Variants in GCSAML observed in about 807,000 individuals in gnomAD.
The protein encoded by GCSAML is germinal center-associated signaling and motility-like protein.
GCSAML carries 9 observed loss-of-function variants against 13.0 expected under a neutral mutation model. That is an observed-to-expected ratio of 0.69 (90% CI 0.42 to 1.21). The LOEUF (loss-of-function observed/expected upper bound fraction) is 1.21. Among genes scored for constraint, GCSAML ranks in the 50% most tolerant of loss-of-function variants. The pLI, the probability that GCSAML is intolerant of heterozygous loss-of-function variation, is 0.00. For missense variants in GCSAML, 143 were observed against 153.4 expected, an observed-to-expected ratio of 0.93 and a Z score of 0.36; for synonymous variants, 37 against 52.9, an observed-to-expected ratio of 0.70 and a Z score of 1.31.
At chr1:247,568,759 A>T (rs1226438123) in intron 4 of GCSAML, among the ~76,000 whole-genome samples, 7 of 152,302 alleles carry the variant, frequency 4.6e-5, no homozygotes. Context: ...TCTATAAATT[A>T]CTTTGGGCAG....
intron 4 of GCSAML, among the ~76,000 whole-genome samples, chr1:247,570,620 A>G (rs1668567277): frequency 6.6e-6 from 1 of 152,094 alleles, no homozygotes; most frequent in Non-Finnish European, 1.5e-5. Flanking sequence ...GGAGTGTTTT[A>G]CTTCCAAATA....
intron 2 of GCSAML, among the ~76,000 whole-genome samples, chr1:247,536,939 A>G (rs760942832): frequency 2.4e-4 from 36 of 152,202 alleles, no homozygotes; most frequent in Non-Finnish European, 4.6e-4. Flanking sequence ...AATAAGTTAA[A>G]TTTATCAATT....
At chr1:247,531,062 C>T (rs1666926745) in intron 2 of GCSAML, 1 of 159,326 alleles carries the variant, frequency 6.3e-6, no homozygotes, top group Non-Finnish European at 1.4e-5. Flanking sequence ...AAGGCCTGGG[C>T]CGAGCGGGGG....
intron 1 of GCSAML, among the ~76,000 whole-genome samples, chr1:247,507,644 G>GT (rs1317678384): frequency 6.6e-6 from 1 of 152,074 alleles, no homozygotes; most frequent in Non-Finnish European, 1.5e-5. Context: ...TCTACATTAG[G>GT]TATTTCTCCT....
Position 247,574,595 on chromosome 1 carries a change from T to G in GCSAML, c.*213T>G, listed in dbSNP as rs1668763488. On this transcript the variant is annotated 3_prime_UTR_variant, in exon 5 of 5. Coordinates refer to ENST00000366488, the MANE Select transcript of GCSAML (RefSeq NM_145278.5). ...GAAATTGACACAATGACCTAAAATA[T>G]TCTATGTGTTTTTGCTTGTAAAGTT... is the stretch of plus-strand genomic sequence containing the variant. The G allele has an allele frequency of 1.8e-6, 1 of 554,476 alleles. No homozygotes were observed. Among genetic ancestry groups the G allele is most frequent in the South Asian group, 2.8e-5 (1 of 35,732 alleles). The allele number at this position is 554,476 out of a possible 1,614,324, so 34.3% of individuals were successfully genotyped here.
At chr1:247,560,199 G>A (rs968465814) in intron 2 of GCSAML, among the ~76,000 whole-genome samples, 1 of 152,232 alleles carries the variant, frequency 6.6e-6, no homozygotes, top group East Asian at 1.9e-4. Flanking sequence ...GCCTCGGAAC[G>A]ACAGATAACT....
intron 4 of GCSAML, among the ~76,000 whole-genome samples, chr1:247,572,924 G>A (rs926670957): frequency 2.6e-5 from 4 of 152,344 alleles, no homozygotes; most frequent in South Asian, 4.1e-4. Context: ...TGGTGTTGGA[G>A]TGGGCTCAGT....
At position 247,531,280 on chromosome 1, in the gene GCSAML, C is replaced by T. The variant is rs1431170349; in HGVS notation, c.-148+4226C>T. On this transcript the variant is annotated intron_variant, in intron 2 of 5. Transcript: ENST00000366489. ...CGGATACTGAGGAACAGCTGAACAA[C>T]AACGCAAGGAGTTTACAAAACAAGA... 1.1e-5 allele frequency: 5 copies of T among 454,218 alleles called. No homozygotes were observed. In the East Asian group the frequency reaches 2.0e-4, roughly 18 times the overall value. The allele number at this position is 454,218 out of a possible 1,614,324, so 28.1% of individuals were successfully genotyped here.
At chr1:247,507,737 C>T (rs1167547459) in intron 1 of GCSAML, among the ~76,000 whole-genome samples, 13 of 151,856 alleles carry the variant, frequency 8.6e-5, no homozygotes, top group African/African-American at 1.9e-4. Context: ...GTGTTCTCAA[C>T]GTTCACTTAT....
chr1:247,559,323 C>G (rs1668048299), intron 2 of GCSAML, among the ~76,000 whole-genome samples: 1 of 151,996 alleles, frequency 6.6e-6, no homozygotes, highest in African/African-American at 2.4e-5. Context: ...TTTGAGTTAC[C>G]TTTCATGTTT....
chr1:247,526,648 C>G lies in GCSAML; in HGVS notation c.-262-292C>G, dbSNP rs536161452. 6.3e-6 allele frequency: 2 copies of G among 315,774 alleles called. No individual in the cohort carries two copies. Among genetic ancestry groups the G allele is most frequent in the South Asian group, 5.5e-5 (2 of 36,064 alleles). 19.6% of individuals were successfully genotyped at this position (315,774 alleles called of 1,614,324 possible). ...GATGCATGACCCTCACAGTGTGCAG[C>G]ATGGGAGGAAACCCATACATGAAGT... is the stretch of plus-strand genomic sequence containing the variant. On this transcript the variant is annotated intron_variant, in intron 1 of 5. Transcript: ENST00000366489. This position sits in a 1 kb window ranked among gnomAD's most constrained non-coding sequence, Gnocchi z 4.8.
At chr1:247,525,723 T>G (rs1163154509) in intron 1 of GCSAML, 2 of 152,212 alleles carry the variant, frequency 1.3e-5, no homozygotes, top group African/African-American at 4.8e-5. Flanking sequence ...CACTGGCCAT[T>G]GGTGTTCTGC....
intron 4 of GCSAML, among the ~76,000 whole-genome samples, chr1:247,570,815 A>T (rs1176058): frequency 7.9e-5 from 12 of 151,808 alleles, no homozygotes; most frequent in Admixed American, 1.3e-4. Flanking sequence ...GGGTGTTAAA[A>T]TCTCCCACTA....
intron 1 of GCSAML, among the ~76,000 whole-genome samples, chr1:247,509,772 G>A (rs1471883523): frequency 3.3e-5 from 5 of 152,132 alleles, no homozygotes; most frequent in African/African-American, 4.8e-5. Context: ...TGTGGTTTTT[G>A]TCATTGGTTT....
intron 1 of GCSAML, among the ~76,000 whole-genome samples, chr1:247,514,437 G>A (rs930125801): frequency 6.6e-6 from 1 of 152,134 alleles, no homozygotes; most frequent in Admixed American, 6.5e-5. Context: ...TGTTAACTCT[G>A]CTATTTCTTT....
At chr1:247,531,144 G>A (rs1666932224) in intron 2 of GCSAML, 1 of 200,154 alleles carries the variant, frequency 5.0e-6, no homozygotes, top group Non-Finnish European at 1.0e-5. Context: ...CAGGCCTGAG[G>A]GCTGGGAGGG....
chr1:247,554,469 C>A (rs934994503), intron 1 of GCSAML, among the ~76,000 whole-genome samples: 3 of 152,010 alleles, frequency 2.0e-5, no homozygotes, highest in Admixed American at 6.5e-5. Flanking sequence ...CCACAACTTT[C>A]TTGTTTCCTT....
Position 247,557,045 on chromosome 1 carries a change from T to G in GCSAML, c.89+579T>G, listed in dbSNP as rs149199020. ...TTTAGGGCATTTCTACAAGCTGGTC[T>G]TTTACTGCACAATTAAAAAAAAATT... On this transcript the variant is annotated intron_variant, in intron 2 of 4. Transcript: ENST00000366488. 3.0e-3 allele frequency among the ~76,000 whole-genome samples: 456 copies of G among 152,274 alleles called. 4 individuals are homozygous for G. Among genetic ancestry groups the G allele is most frequent in the African/African-American group, 0.011 (441 of 41,548 alleles).
intron 2 of GCSAML, among the ~76,000 whole-genome samples, chr1:247,538,138 C>A (rs1401649727): frequency 6.6e-6 from 1 of 152,022 alleles, no homozygotes; most frequent in Non-Finnish European, 1.5e-5. Flanking sequence ...TTCATTTAGG[C>A]TTTTGATGTA....
Sources: allele counts gnomAD v4.1 joint callset (sites outside exome capture counted in the v4.1 genomes callset), GRCh38; gene constraint gnomAD v4.1.1; non-coding constraint Gnocchi (gnomAD v3.1); transcripts MANE v1.5; gene names NCBI Gene and HGNC (gene_info 2026-07-23, HGNC 2026-07-21).